WWOX: variants seen among roughly 807,000 people sequenced by gnomAD.
WWOX encodes the protein WW domain containing oxidoreductase, also known as WW domain-containing oxidoreductase.
WWOX carries 69 observed loss-of-function variants against 46.2 expected under a neutral mutation model. That is an observed-to-expected ratio of 1.49 (90% CI 1.23 to 1.82). WWOX has a LOEUF of 1.82. WWOX is among the 40% of genes most tolerant of loss of function. The pLI is 0.00. For missense variants in WWOX, 919 were observed against 542.6 expected (o/e 1.69, Z -6.89); for synonymous variants, 359 against 202.6 (o/e 1.77, Z -6.56).
At chr16:79,200,884 G>C (rs1056555859) in intron 8 of WWOX, among the ~76,000 whole-genome samples, 2 of 152,194 alleles carry the variant, frequency 1.3e-5, no homozygotes, top group African/African-American at 4.8e-5. Flanking sequence ...TGGAGGTGCA[G>C]GCTTCATCTA....
At chr16:79,191,388 C>G (rs528878093) in intron 8 of WWOX, among the ~76,000 whole-genome samples, 2 of 152,120 alleles carry the variant, frequency 1.3e-5, no homozygotes, top group Non-Finnish European at 2.9e-5. Flanking sequence ...GAAAGGCCAC[C>G]GAGATAGTAA....
At chr16:79,178,437 C>T (rs943673193) in intron 8 of WWOX, among the ~76,000 whole-genome samples, 1 of 152,084 alleles carries the variant, frequency 6.6e-6, no homozygotes, top group African/African-American at 2.4e-5. Flanking sequence ...TTGCCTTAGC[C>T]ACCCGAGTAG....
At chr16:78,688,812 A>G (rs888275004) in intron 8 of WWOX, among the ~76,000 whole-genome samples, 3 of 152,112 alleles carry the variant, frequency 2.0e-5, no homozygotes, top group Non-Finnish European at 4.4e-5. Flanking sequence ...GTGTCATGGG[A>G]GGGACCCAGT....
chr16:78,639,920 A>T (rs1298120046), intron 8 of WWOX, among the ~76,000 whole-genome samples: 1 of 152,082 alleles, frequency 6.6e-6, no homozygotes, highest in African/African-American at 2.4e-5. Flanking sequence ...GTGGTGATCT[A>T]ATGTCAACTG....
intron 8 of WWOX, among the ~76,000 whole-genome samples, chr16:78,793,084 A>AT (rs1366885359): frequency 6.6e-6 from 1 of 151,950 alleles, no homozygotes; most frequent in South Asian, 2.1e-4. Context: ...TATCTAATCT[A>AT]TTTTTTGAGA....
intron 8 of WWOX, among the ~76,000 whole-genome samples, chr16:78,796,158 A>G (rs1017219632): frequency 2.0e-5 from 3 of 152,214 alleles, no homozygotes; most frequent in African/African-American, 7.2e-5. Context: ...TTTCTTCCTT[A>G]ATCAGGATTG....
intron 5 of WWOX, among the ~76,000 whole-genome samples, chr16:78,222,127 G>A (rs1047759286): frequency 6.6e-6 from 1 of 152,114 alleles, no homozygotes; most frequent in African/African-American, 2.4e-5. Context: ...AGAACCTATT[G>A]TGTACTTTGG....
At chr16:78,337,340 G>A (rs907449266) in intron 5 of WWOX, among the ~76,000 whole-genome samples, 20 of 152,138 alleles carry the variant, frequency 1.3e-4, no homozygotes. Context: ...ATAAGGTCTT[G>A]TGTACCCACC....
In WWOX at chr16:78,747,342, C is replaced by T. The variant is rs112392157; in HGVS notation, c.1056+314590C>T. 5.2e-3 allele frequency among the ~76,000 whole-genome samples: 797 copies of T among 152,094 alleles called. 6 individuals are homozygous for T. The highest frequency in any genetic ancestry group is 0.018 in the African/African-American group (744 of 41,452). On this transcript the variant is annotated intron_variant, in intron 8 of 8. Coordinates refer to ENST00000566780, the MANE Select transcript of WWOX (RefSeq NM_016373.4). ...AAATTGCTGAGAGTACAGGCATCTG[C>T]GACCACACCTGTCTAATTTCTTATC...
chr16:78,539,675 G>C (rs570830908), intron 8 of WWOX, among the ~76,000 whole-genome samples: 1 of 152,202 alleles, frequency 6.6e-6, no homozygotes, highest in African/African-American at 2.4e-5. Context: ...GGCTGCCTGG[G>C]AAATGAAATT....
chr16:78,677,711 A>G (rs1488712887), intron 8 of WWOX, among the ~76,000 whole-genome samples: 2 of 152,176 alleles, frequency 1.3e-5, no homozygotes, highest in Non-Finnish European at 2.9e-5. Context: ...TCAGGTCTAT[A>G]AAGCATTTGG....
chr16:78,887,390 C>T (rs1314306731), intron 8 of WWOX, among the ~76,000 whole-genome samples: 1 of 151,598 alleles, frequency 6.6e-6, no homozygotes, highest in African/African-American at 2.4e-5. Flanking sequence ...AGTGCATTCG[C>T]TTCCAAGGCA....
At chr16:78,508,698 G>T (rs2085279460) in intron 8 of WWOX, among the ~76,000 whole-genome samples, 1 of 152,184 alleles carries the variant, frequency 6.6e-6, no homozygotes, top group African/African-American at 2.4e-5. Flanking sequence ...AGAAACGCTG[G>T]TGGTCATGGA....
intron 8 of WWOX, among the ~76,000 whole-genome samples, chr16:78,613,704 C>T (rs1280149782): frequency 6.6e-6 from 1 of 152,158 alleles, no homozygotes; most frequent in Non-Finnish European, 1.5e-5. Flanking sequence ...TGGAGGAAGG[C>T]CCCAGCTCTT....
intron 5 of WWOX, among the ~76,000 whole-genome samples, chr16:78,379,022 C>G (rs1022721262): frequency 6.6e-6 from 1 of 152,146 alleles, no homozygotes; most frequent in Non-Finnish European, 1.5e-5. Context: ...GTTGGCAACA[C>G]GTATCTGTGT....
intron 6 of WWOX, among the ~76,000 whole-genome samples, chr16:78,423,912 T>C (rs1376456511): frequency 6.6e-6 from 1 of 151,652 alleles, no homozygotes; most frequent in Admixed American, 6.6e-5. Context: ...CACTTACCTA[T>C]CTTTAGGCTT....
chr16:78,974,884 T>G (rs8060634), intron 8 of WWOX, among the ~76,000 whole-genome samples: 52,521 of 151,970 alleles, frequency 0.35, 9,394 homozygotes, highest in East Asian at 0.49. Context: ...CGGGGAGACC[T>G]TGAAATGCTC....
intron 5 of WWOX, among the ~76,000 whole-genome samples, chr16:78,194,857 G>T (rs565339809): frequency 6.6e-6 from 1 of 152,138 alleles, no homozygotes; most frequent in African/African-American, 2.4e-5. Flanking sequence ...ACCCACTAAC[G>T]CTCTATGTAA....
intron 6 of WWOX, among the ~76,000 whole-genome samples, chr16:78,392,289 A>G (rs1489081521): frequency 1.3e-5 from 2 of 152,122 alleles, no homozygotes; most frequent in African/African-American, 4.8e-5. Context: ...CACACATGCA[A>G]GGGATCTAGG....
Sources: allele counts gnomAD v4.1 joint callset (sites outside exome capture counted in the v4.1 genomes callset), GRCh38; gene constraint gnomAD v4.1.1; transcripts MANE v1.5; gene names NCBI Gene and HGNC (gene_info 2026-07-23, HGNC 2026-07-21).